OPA3: variants seen among roughly 807,000 people sequenced by gnomAD.
OPA3 encodes the protein outer mitochondrial membrane lipid metabolism regulator OPA3.
A neutral mutation model predicts 4.0 loss-of-function variants in OPA3; 6 were observed. The observed-to-expected ratio is 1.51, with a 90% confidence interval of 0.83 to 2.99. OPA3 has a LOEUF of 2.99. Ranked by LOEUF, OPA3 falls within the 30% of genes most tolerant of loss-of-function variation. The pLI is 0.00. For synonymous variants in OPA3, 105 were observed against 117.1 expected (o/e 0.90, Z 0.67); for missense variants, 235 against 256.2 (o/e 0.92, Z 0.56).
intron 1 of OPA3, among the ~76,000 whole-genome samples, chr19:45,579,509 C>T (rs947367738): frequency 6.6e-6 from 1 of 152,138 alleles, no homozygotes; most frequent in Non-Finnish European, 1.5e-5. Flanking sequence ...GCATGAGCCA[C>T]TGGGCCCAGC....
In OPA3 at chr19:45,548,560, G is replaced by A. The variant is rs146646433; in HGVS notation, c.*4954C>T. 880 of 985,370 alleles carry A rather than the reference G, an allele frequency of 8.9e-4. 7 individuals carry two copies. In the African/African-American group the frequency reaches 0.014, roughly 16 times the overall value. 61.0% of individuals were successfully genotyped at this position (985,370 alleles called of 1,614,324 possible). On this transcript the variant is annotated 3_prime_UTR_variant, in exon 2 of 2. Coordinates refer to ENST00000263275, the MANE Select transcript of OPA3 (RefSeq NM_025136.4). ...GTACGTGTGAGCATCTGTAAGACCC[G>A]GTGACGGCAGGGCTGGGGCTGTCTC...
chr19:45,561,863 C>A (rs1193957885), intron 1 of OPA3, among the ~76,000 whole-genome samples: 2 of 151,740 alleles, frequency 1.3e-5, no homozygotes, highest in African/African-American at 4.8e-5. Context: ...ATCGCTTGAA[C>A]CCGGGAGGCA....
At chr19:45,569,586 A>C (rs1217871772) in intron 1 of OPA3, among the ~76,000 whole-genome samples, 1 of 152,146 alleles carries the variant, frequency 6.6e-6, no homozygotes. Flanking sequence ...GCCGATACTC[A>C]CCACTGCAAC....
chr19:45,573,558 C>T (rs1969720295), intron 1 of OPA3, among the ~76,000 whole-genome samples: 1 of 152,106 alleles, frequency 6.6e-6, no homozygotes, highest in Admixed American at 6.6e-5. Context: ...CACATAACAA[C>T]CCAATTACAA....
At chr19:45,545,164 CAAAA>C (rs779193252), downstream of OPA3, among the ~76,000 whole-genome samples, 3 of 40,812 alleles carry the variant, frequency 7.4e-5, no homozygotes, top group African/African-American at 2.1e-4. Context: ...GACACCGTCT[CAAAA>C]AAAAAAAAAA....
intron 1 of OPA3, among the ~76,000 whole-genome samples, chr19:45,565,166 G>A (rs1202822332): frequency 4.6e-5 from 7 of 151,866 alleles, no homozygotes; most frequent in African/African-American, 1.7e-4. Flanking sequence ...CCTGGGAGGC[G>A]GAGGTTGCAG....
chr19:45,559,483 C>T (rs1211590288), intron 1 of OPA3, among the ~76,000 whole-genome samples: 1 of 146,384 alleles, frequency 6.8e-6, no homozygotes, highest in Admixed American at 7.0e-5. Context: ...CTCACTGCAA[C>T]CTCCGCTTCC....
At position 45,550,156 on chromosome 19, in the gene OPA3, G is replaced by A. The variant is rs965480314; in HGVS notation, c.*3358C>T. On this transcript the variant is annotated 3_prime_UTR_variant, in exon 2 of 2. Coordinates refer to ENST00000263275, the MANE Select transcript of OPA3 (RefSeq NM_025136.4). ...AGGGTGACGGAGCTAGACTGTCTCC[G>A]AAAGAAAAGAAAAGAAAAAAGAAGA... is the stretch of plus-strand genomic sequence containing the variant. 10 of 965,500 alleles carry A rather than the reference G, an allele frequency of 1.0e-5. No individual in the cohort carries two copies. The highest frequency in any genetic ancestry group is 4.8e-5 in the South Asian group (1 of 20,880). 59.8% of individuals were successfully genotyped at this position (965,500 alleles called of 1,614,324 possible).
rs1305459152 is a variant in OPA3, at chr19:45,584,693, G to A, written c.72C>T (p.Ala24=). 2.5e-6 allele frequency: 4 copies of A among 1,614,190 alleles called. No individual in the cohort carries two copies. The highest frequency in any genetic ancestry group is 3.4e-6 in the Non-Finnish European group (4 of 1,180,038). ...GGCGGGCGGCCTCCTTAATACGGTT[G>A]GCAAGCGGCTTGCTGACCTGCCGGA... The part of the protein sequence containing the change: ...LGIRQVSKPL[A]NRIKEAARRS... The change falls in exon 1 of 2, where the codon GCC becomes GCT. Residue 24 remains alanine (A), a synonymous_variant. Coordinates refer to ENST00000263275, the MANE Select transcript of OPA3 (RefSeq NM_025136.4).
chr19:45,570,201 C>T (rs185756395), intron 1 of OPA3, among the ~76,000 whole-genome samples: 19 of 152,282 alleles, frequency 1.2e-4, no homozygotes, highest in African/African-American at 4.6e-4. Context: ...AAAAAGATCC[C>T]TGTTCAGAAA....
At chr19:45,544,425 C>T (rs931082621), downstream of OPA3, among the ~76,000 whole-genome samples, 5 of 152,096 alleles carry the variant, frequency 3.3e-5, no homozygotes, top group African/African-American at 1.2e-4. Flanking sequence ...TTTGGGACGG[C>T]AAGGCAGGCA....
At chr19:45,530,377 T>A (rs1394238548) in intron 1 of OPA3, among the ~76,000 whole-genome samples, 1 of 151,970 alleles carries the variant, frequency 6.6e-6, no homozygotes, top group African/African-American at 2.4e-5. Context: ...AATTGTAACT[T>A]GATTTTTCAC....
At chr19:45,553,951 C>A (rs1969383434) in intron 1 of OPA3, 40 bp from the exon 2 acceptor site, 2 of 1,527,288 alleles carry the variant, frequency 1.3e-6, no homozygotes, top group African/African-American at 2.7e-5. Context: ...CTCTGGGAGC[C>A]CCCTGCAAGC....
At chr19:45,578,815 C>G (rs762053283) in intron 1 of OPA3, among the ~76,000 whole-genome samples, 12 of 151,874 alleles carry the variant, frequency 7.9e-5, no homozygotes, top group Non-Finnish European at 1.8e-4. Context: ...TGTCGGAGTG[C>G]GACTCTGTCT....
intron 1 of OPA3, among the ~76,000 whole-genome samples, chr19:45,535,012 T>A (rs370697740): frequency 2.0e-5 from 3 of 152,198 alleles, no homozygotes; most frequent in African/African-American, 4.8e-5. Flanking sequence ...TTCCCTTGCC[T>A]AATGTGTAAA....
At chr19:45,558,422 A>C (rs1184282024) in intron 1 of OPA3, among the ~76,000 whole-genome samples, 1 of 152,182 alleles carries the variant, frequency 6.6e-6, no homozygotes, top group Non-Finnish European at 1.5e-5. Flanking sequence ...GCAAGAAAAC[A>C]AAGTACTCAA....
At chr19:45,529,417 A>G in exon 2 of OPA3, 2 of 1,614,188 alleles carry the variant, frequency 1.2e-6, no homozygotes, top group Non-Finnish European at 1.7e-6. Flanking sequence ...ATTGAAACCC[A>G]TGATGCGCAT....
intron 1 of OPA3, among the ~76,000 whole-genome samples, chr19:45,536,760 G>A (rs553826404): frequency 3.2e-4 from 48 of 152,280 alleles, no homozygotes; most frequent in South Asian, 1.9e-3. Flanking sequence ...GACTTGTGAC[G>A]AAAGTGACAC....
chr19:45,571,826 T>C (rs139892631), intron 1 of OPA3, among the ~76,000 whole-genome samples: 197 of 152,260 alleles, frequency 1.3e-3, no homozygotes, highest in African/African-American at 4.4e-3. Context: ...CTCTTGGCAG[T>C]TGTGTTTAAC....
Sources: gnomAD v4.1 joint callset for allele counts (sites outside exome capture counted in the v4.1 genomes callset) on GRCh38, gnomAD v4.1.1 for gene constraint, MANE v1.5 for transcripts, NCBI Gene and HGNC (gene_info 2026-07-23, HGNC 2026-07-21) for gene names.